MYO1E: variants seen among roughly 807,000 people sequenced by gnomAD.
The protein encoded by MYO1E is unconventional myosin-Ie.
Under a neutral mutation model 151.1 loss-of-function variants are expected in MYO1E, and 68 were observed. The ratio of observed to expected loss-of-function variants is 0.45; its 90% CI spans 0.37 to 0.55. The LOEUF is 0.55. Ranked by LOEUF, MYO1E falls within the 20% of genes least tolerant of loss-of-function variation. MYO1E has a pLI of 0.00. For synonymous variants in MYO1E, 601 were observed against 501.7 expected (o/e 1.20, Z -2.64); for missense variants, 1,363 against 1,389.3 (o/e 0.98, Z 0.30).
At chr15:59,198,691 C>T (rs1178616631) in intron 16 of MYO1E, among the ~76,000 whole-genome samples, 6 of 151,922 alleles carry the variant, frequency 3.9e-5, no homozygotes, top group African/African-American at 1.5e-4. Context: ...CATGGTGGTG[C>T]CACCTGTAGT....
At chr15:59,340,271 C>G (rs753454169) in intron 1 of MYO1E, among the ~76,000 whole-genome samples, 1 of 152,120 alleles carries the variant, frequency 6.6e-6, no homozygotes, top group Non-Finnish European at 1.5e-5. Context: ...GATCGTGCCA[C>G]TGAACTCCAG....
intron 1 of MYO1E, among the ~76,000 whole-genome samples, chr15:59,365,340 A>G (rs574602177): frequency 1.0e-3 from 155 of 152,208 alleles, no homozygotes; most frequent in African/African-American, 3.5e-3. Context: ...AATTTCTTAT[A>G]ATGAAGTTAG....
intron 10 of MYO1E, 98 bp from the exon 11 acceptor site, chr15:59,214,818 A>C: frequency 1.1e-6 from 1 of 912,996 alleles, no homozygotes; most frequent in Non-Finnish European, 1.8e-6. Flanking sequence ...CACGGCAAAC[A>C]CTACTGCTTG....
intron 1 of MYO1E, among the ~76,000 whole-genome samples, chr15:59,320,547 C>T (rs2080619391): frequency 6.6e-6 from 1 of 152,196 alleles, no homozygotes. Flanking sequence ...CTATAACCAT[C>T]TGATCTTCAA....
intron 22 of MYO1E, among the ~76,000 whole-genome samples, chr15:59,164,808 G>A (rs1306225024): frequency 6.6e-6 from 1 of 152,212 alleles, no homozygotes; most frequent in Non-Finnish European, 1.5e-5. Flanking sequence ...ACCCAGAGGT[G>A]ATGGAGCCAG....
rs763379808 is a variant in MYO1E at position 59,223,150 on chromosome 15, C to T, written c.819G>A (p.Thr273=). The change falls in exon 9 of 28, where the codon ACG becomes ACA. Residue 273 remains threonine (T), a synonymous_variant. Transcript: ENST00000288235. ...NVIGIFAEEQ[T]LVLQIVAGIL... is the part of the protein sequence containing the mutation. Reference sequence around the variant, plus strand: ...TACCCGCCACTATCTGCAACACCAGCGTTTGCTCTTCTGCAAAGATCCCAA... The same window carrying T: ...TACCCGCCACTATCTGCAACACCAGTGTTTGCTCTTCTGCAAAGATCCCAA... 9.3e-6 allele frequency: 15 copies of T among 1,614,052 alleles called. No individual in the cohort carries two copies. The highest frequency in any genetic ancestry group is 2.7e-5 in the African/African-American group (2 of 74,906).
Position 59,222,977 on chromosome 15 carries a change from T to G in MYO1E, c.910+82A>C, listed in dbSNP as rs189925322. On this transcript the variant is annotated intron_variant, in intron 9 of 27. Coordinates refer to ENST00000288235, the MANE Select transcript of MYO1E (RefSeq NM_004998.4). ...TTCTTCCCAATATTCCCATTTGAGATCTAAGCAAAGGAAAGTGCTAGGTTA... is the reference window on the plus strand; with the variant it reads ...TTCTTCCCAATATTCCCATTTGAGAGCTAAGCAAAGGAAAGTGCTAGGTTA... 5 of 1,583,910 alleles carry G rather than the reference T, an allele frequency of 3.2e-6. No individual in the cohort carries two copies. In the African/African-American group the frequency reaches 5.4e-5, roughly 17 times the overall value.
At chr15:59,232,426 C>A (rs1348565580) in intron 5 of MYO1E, among the ~76,000 whole-genome samples, 2 of 152,226 alleles carry the variant, frequency 1.3e-5, no homozygotes, top group Admixed American at 6.5e-5. Flanking sequence ...CTGATACACA[C>A]TTTAAGCAGC....
At chr15:59,210,665 C>G in intron 12 of MYO1E, 65 bp from the exon 13 acceptor site, 2 of 1,105,434 alleles carry the variant, frequency 1.8e-6, no homozygotes, top group Non-Finnish European at 2.8e-6. Context: ...ACGGACAGAC[C>G]CTGAATGGAC....
intron 1 of MYO1E, among the ~76,000 whole-genome samples, chr15:59,294,876 C>A (rs1567006221): frequency 6.6e-6 from 1 of 152,186 alleles, no homozygotes; most frequent in Non-Finnish European, 1.5e-5. Context: ...GATGTTCTCA[C>A]CACCTGGACC....
At chr15:59,290,964 A>G (rs2080415229) in intron 1 of MYO1E, among the ~76,000 whole-genome samples, 1 of 152,198 alleles carries the variant, frequency 6.6e-6, no homozygotes, top group Non-Finnish European at 1.5e-5. Flanking sequence ...CACTCTCCGC[A>G]TTAGGTAGAA....
intron 1 of MYO1E, among the ~76,000 whole-genome samples, chr15:59,368,247 C>G (rs2080925535): frequency 6.6e-6 from 1 of 152,196 alleles, no homozygotes; most frequent in Non-Finnish European, 1.5e-5. Context: ...AGTGGTGCCT[C>G]CTAGAATGGC....
intron 5 of MYO1E, among the ~76,000 whole-genome samples, chr15:59,234,249 C>G (rs62002694): frequency 0.42 from 59,604 of 141,470 alleles, 12,623 homozygotes; most frequent in East Asian, 0.66. Flanking sequence ...TGGATGGGTG[C>G]ATGGATGGAT....
chr15:59,294,983 T>C (rs2080440682), intron 1 of MYO1E, among the ~76,000 whole-genome samples: 1 of 152,194 alleles, frequency 6.6e-6, no homozygotes, highest in East Asian at 1.9e-4. Context: ...GGTAATCTTG[T>C]CTGTCCTCTG....
At chr15:59,191,673 A>G (rs1348583113) in intron 17 of MYO1E, among the ~76,000 whole-genome samples, 2 of 152,200 alleles carry the variant, frequency 1.3e-5, no homozygotes, top group East Asian at 3.8e-4. Flanking sequence ...AACTTCCACC[A>G]TCAGGAAATT....
chr15:59,362,231 T>C (rs769429270), intron 1 of MYO1E, among the ~76,000 whole-genome samples: 11 of 152,236 alleles, frequency 7.2e-5, no homozygotes, highest in Non-Finnish European at 1.3e-4. Flanking sequence ...TTTTGTGTTT[T>C]TGACATTTTT....
chr15:59,168,456 G>A (rs1357666542), intron 22 of MYO1E, among the ~76,000 whole-genome samples: 1 of 152,050 alleles, frequency 6.6e-6, no homozygotes, highest in African/African-American at 2.4e-5. Context: ...TGAGGTGGGA[G>A]GATTGCTTGA....
At chr15:59,242,762 A>G (rs2080107727) in intron 4 of MYO1E, among the ~76,000 whole-genome samples, 1 of 152,240 alleles carries the variant, frequency 6.6e-6, no homozygotes, top group African/African-American at 2.4e-5. Flanking sequence ...GAAGAAACCT[A>G]GCAGATGCCT....
intron 26 of MYO1E, among the ~76,000 whole-genome samples, chr15:59,145,004 C>A (rs1419971551): frequency 3.9e-5 from 6 of 152,020 alleles, no homozygotes; most frequent in African/African-American, 1.4e-4. Flanking sequence ...CCACCATGCC[C>A]GGCTAATCTT....
Sources: gnomAD v4.1 joint callset for allele counts (sites outside exome capture counted in the v4.1 genomes callset) on GRCh38, gnomAD v4.1.1 for gene constraint, MANE v1.5 for transcripts, NCBI Gene and HGNC (gene_info 2026-07-23, HGNC 2026-07-21) for gene names.